The following AIF1L variants were observed in gnomAD, a reference collection of about 807,000 sequenced individuals.
AIF1L encodes the protein allograft inflammatory factor 1-like.
In AIF1L, 12 loss-of-function variants were observed where a neutral mutation model predicts 20.7. The observed-to-expected ratio is 0.58, with a 90% CI of 0.37 to 0.94. The LOEUF is 0.94. AIF1L is among the 40% of genes least tolerant of loss of function. AIF1L has a pLI of 0.01. For missense variants in AIF1L, 173 were observed against 185.3 expected (o/e 0.93, Z 0.39); for synonymous variants, 76 against 65.1 (o/e 1.17, Z -0.81).
rs980530895 is a variant in AIF1L at position 131,122,674 on chromosome 9, G to A, written c.*2352G>A. The A allele has an allele frequency of 6.6e-6, 1 of 152,214 alleles. No homozygotes were observed. Among genetic ancestry groups the A allele is most frequent in the East Asian group, 1.9e-4 (1 of 5,192 alleles). The allele number at this position is 152,214 out of a possible 1,614,324, so 9.4% of individuals were successfully genotyped here. Reference sequence around the variant, plus strand: ...GTTCCACAGTTCTACAAGACTGCAGGAATTCTCCTTAAGGGAGGAGAGCAA... The same window carrying A: ...GTTCCACAGTTCTACAAGACTGCAGAAATTCTCCTTAAGGGAGGAGAGCAA... On this transcript the variant is annotated 3_prime_UTR_variant, in exon 6 of 6. Coordinates refer to ENST00000247291, the MANE Select transcript of AIF1L (RefSeq NM_031426.4).
chr9:131,117,964 T>C, intron 5 of AIF1L, 46 bp downstream of exon 5: 1 of 1,569,676 alleles, frequency 6.4e-7, no homozygotes, highest in Non-Finnish European at 8.6e-7. Context: ...GCAAAATCAT[T>C]CTGTGCAGAG....
chr9:131,110,495 T>G (rs1830851730), intron 2 of AIF1L, among the ~76,000 whole-genome samples: 1 of 148,910 alleles, frequency 6.7e-6, no homozygotes, highest in South Asian at 2.1e-4. Context: ...CTGGATTTCT[T>G]TTTTCTTTTC....
rs1348508724 is a variant in AIF1L at position 131,120,882 on chromosome 9, A to G, written c.*560A>G. Reference sequence around the variant, plus strand: ...CCCCACTCATTCCACACCTCTTCTCATCCTCAGTGATGTGAAGGTGGGAAG... The same window carrying G: ...CCCCACTCATTCCACACCTCTTCTCGTCCTCAGTGATGTGAAGGTGGGAAG... On this transcript the variant is annotated 3_prime_UTR_variant, in exon 6 of 6. Coordinates refer to ENST00000247291, the MANE Select transcript of AIF1L (RefSeq NM_031426.4). The G allele has an allele frequency of 2.1e-6, 1 of 487,034 alleles. No homozygotes were observed. The highest frequency in any genetic ancestry group is 3.7e-6 in the Non-Finnish European group (1 of 273,034). The allele number at this position is 487,034 out of a possible 1,614,324, so 30.2% of individuals were successfully genotyped here.
In AIF1L at chr9:131,121,235, C is replaced by G; in HGVS notation, c.*913C>G. 1 of 639,834 alleles carries G rather than the reference C, an allele frequency of 1.6e-6. No individual in the cohort carries two copies. The highest frequency in any genetic ancestry group is 2.5e-5 in the Admixed American group (1 of 40,736). 39.6% of individuals were successfully genotyped at this position (639,834 alleles called of 1,614,324 possible). ...TTGTCTGACCCCAATCTGCTTGAAA[C>G]CTGACTCTGCTTCTCTCATTTGTCT... On this transcript the variant is annotated 3_prime_UTR_variant, in exon 6 of 6. Coordinates refer to ENST00000247291, the MANE Select transcript of AIF1L (RefSeq NM_031426.4).
At chr9:131,107,347 C>T (rs1588182596) in intron 2 of AIF1L, among the ~76,000 whole-genome samples, 1 of 152,300 alleles carries the variant, frequency 6.6e-6, no homozygotes, top group East Asian at 1.9e-4. Context: ...CATGTCCTTC[C>T]ACTTGCACCC....
At chr9:131,111,956 GC>G in intron 3 of AIF1L, 1 of 446,610 alleles carries the variant, frequency 2.2e-6, no homozygotes, top group South Asian at 2.6e-5. Context: ...GTTCCCGTCC[GC>G]CGCTGCCCAG....
In AIF1L at chr9:131,114,595, A is replaced by T. The variant is rs1190894911; in HGVS notation, c.179A>T (p.Asp60Val). 6.2e-7 allele frequency: 1 copy of T among 1,614,038 alleles called. No homozygotes were observed. Among genetic ancestry groups the T allele is most frequent in the Non-Finnish European group, 8.5e-7 (1 of 1,179,976 alleles). ...TAFKEKYMEFDLNNEGEIDLM... is the reference protein window; with the variant it reads ...TAFKEKYMEFVLNNEGEIDLM... ...TTTCCAGAGAAGTACATGGAGTTTG[A>T]CCTGAACAATGAAGGCGAGATTGGT... The change falls in exon 4 of 6, where the codon GAC (aspartate) becomes GTC (valine). Residue 60 changes from aspartate (D) to valine (V), a missense_variant. Transcript: ENST00000247291.
chr9:131,097,969 G>A (rs1242538395), intron 2 of AIF1L, among the ~76,000 whole-genome samples: 2 of 152,254 alleles, frequency 1.3e-5, no homozygotes, highest in African/African-American at 4.8e-5. Context: ...CATTCCCCCT[G>A]CAGGCTCCTC....
intron 2 of AIF1L, among the ~76,000 whole-genome samples, chr9:131,110,093 T>C (rs1195104865): frequency 6.6e-6 from 1 of 152,050 alleles, no homozygotes; most frequent in Non-Finnish European, 1.5e-5. Context: ...CCATCTGTAG[T>C]CCCAGCTACT....
At chr9:131,097,192 G>C (rs1830549446) in intron 2 of AIF1L, among the ~76,000 whole-genome samples, 1 of 152,248 alleles carries the variant, frequency 6.6e-6, no homozygotes, top group Admixed American at 6.5e-5. Flanking sequence ...ATTTGGCGCG[G>C]GAAGGGCCCT....
chr9:131,110,121 A>G (rs1350135939), intron 2 of AIF1L, among the ~76,000 whole-genome samples: 2 of 152,180 alleles, frequency 1.3e-5, no homozygotes, highest in Non-Finnish European at 2.9e-5. Flanking sequence ...CTGAGGTGGG[A>G]GGATCACTTG....
rs1163969459 is a variant in AIF1L at position 131,121,182 on chromosome 9, A to T, written c.*860A>T. On this transcript the variant is annotated 3_prime_UTR_variant, in exon 6 of 6. Coordinates refer to ENST00000247291, the MANE Select transcript of AIF1L (RefSeq NM_031426.4). The stretch of plus-strand genomic sequence containing the variant: ...TCACGGCAAAGTCAGCAGCACTGGT[A>T]AGCCAAGACTGAGAAATACAAGGTT... 1.4e-6 allele frequency: 1 copy of T among 701,308 alleles called. No individual in the cohort carries two copies. Among genetic ancestry groups the T allele is most frequent in the Admixed American group, 2.1e-5 (1 of 47,650 alleles). 43.4% of individuals were successfully genotyped at this position (701,308 alleles called of 1,614,324 possible).
chr9:131,116,928 C>T (rs1200971027), intron 4 of AIF1L, among the ~76,000 whole-genome samples: 2 of 152,254 alleles, frequency 1.3e-5, no homozygotes, highest in African/African-American at 2.4e-5. Context: ...GCCCCAGTCC[C>T]GCCCGCCTTG....
At position 131,114,478 on chromosome 9, in the gene AIF1L, T is replaced by C; in HGVS notation, c.161-99T>C. On this transcript the variant is annotated intron_variant, in intron 3 of 5. Transcript: ENST00000247291. ...GTAGGGTGCGGGAGGTGGTTCAGAC[T>C]CCTGAGGACACGGTCATTTGCCCAC... is the stretch of plus-strand genomic sequence containing the variant. 4.3e-6 allele frequency: 6 copies of C among 1,391,546 alleles called. No individual in the cohort carries two copies. In the South Asian group the frequency reaches 7.0e-5, roughly 16 times the overall value. The allele number at this position is 1,391,546 out of a possible 1,614,324, so 86.2% of individuals were successfully genotyped here.
At chr9:131,097,469 C>G (rs919103134) in intron 2 of AIF1L, among the ~76,000 whole-genome samples, 7 of 151,356 alleles carry the variant, frequency 4.6e-5, no homozygotes, top group Non-Finnish European at 1.0e-4. Flanking sequence ...CCCGTGGTCT[C>G]CAGCCTCCCG....
intron 2 of AIF1L, 144 bp downstream of exon 2, chr9:131,097,007 C>A: frequency 1.1e-6 from 1 of 936,466 alleles, no homozygotes; most frequent in Non-Finnish European, 1.5e-6. Context: ...CCTCCCTCCG[C>A]CCCCAGCCCC....
intron 2 of AIF1L, among the ~76,000 whole-genome samples, chr9:131,109,642 A>G (rs993774664): frequency 6.6e-6 from 1 of 152,170 alleles, no homozygotes; most frequent in African/African-American, 2.4e-5. Context: ...GTAGGAGGGG[A>G]ACAGGCCCTG....
chr9:131,097,296 T>G (rs896104315), intron 2 of AIF1L, among the ~76,000 whole-genome samples: 5 of 152,194 alleles, frequency 3.3e-5, no homozygotes, highest in Non-Finnish European at 5.9e-5. Flanking sequence ...CTCAGCTCAT[T>G]GCAGCCTCCA....
chr9:131,111,794 T>C, intron 3 of AIF1L, 131 bp downstream of exon 3: 1 of 936,632 alleles, frequency 1.1e-6, no homozygotes, highest in Non-Finnish European at 1.6e-6. Flanking sequence ...CCCTTCTTCC[T>C]GGAGAAGGCT....
Sources: gnomAD v4.1 joint callset for allele counts (sites outside exome capture counted in the v4.1 genomes callset) on GRCh38, gnomAD v4.1.1 for gene constraint, MANE v1.5 for transcripts, NCBI Gene and HGNC (gene_info 2026-07-23, HGNC 2026-07-21) for gene names.